Variants in ARHGEF11 observed in about 807,000 individuals in gnomAD.
The protein encoded by ARHGEF11 is Rho guanine nucleotide exchange factor 11.
In ARHGEF11, 55 loss-of-function variants were observed where a neutral mutation model predicts 193.7. The ratio of observed to expected loss-of-function variants is 0.28; its 90% CI spans 0.23 to 0.36. ARHGEF11 has a LOEUF of 0.36. ARHGEF11 is among the 10% of genes least tolerant of loss of function. The probability of loss-of-function intolerance (pLI) is 1.00; values close to 1 mark genes in which losing one functional copy is unlikely to be tolerated. For missense variants in ARHGEF11, 1,723 were observed against 2,005.6 expected (o/e 0.86, Z 2.69); for synonymous variants, 693 against 768.0 (o/e 0.90, Z 1.62).
intron 1 of ARHGEF11, among the ~76,000 whole-genome samples, chr1:157,043,979 C>T (rs1673077354): frequency 6.6e-6 from 1 of 152,188 alleles, no homozygotes; most frequent in African/African-American, 2.4e-5. Context: ...GGCTTGCCCC[C>T]ACCTGAGACT....
rs757766993 is a variant in ARHGEF11 at position 156,939,755 on chromosome 1, G to A, written c.3889C>T (p.Pro1297Ser). Residue 1297 changes from proline (P) to serine (S), a missense_variant, in exon 37 of 41, where the codon CCC becomes TCC. Transcript: ENST00000368194. ...PWDPGSPGQA[P>S]PGGEGDNTQL... ...GTGTTGTCCCCTTCACCCCCAGGGG[G>A]TGCTTGCCCTGGGGAGCCTGGGTCC... is the stretch of plus-strand genomic sequence containing the variant. 18 of 1,613,904 alleles carry A rather than the reference G, an allele frequency of 1.1e-5. No homozygotes were observed. The South Asian group carries it at 1.6e-4, about 15-fold the overall frequency.
At chr1:157,026,365 T>C (rs775808891) in intron 1 of ARHGEF11, among the ~76,000 whole-genome samples, 1 of 152,006 alleles carries the variant, frequency 6.6e-6, no homozygotes, top group Non-Finnish European at 1.5e-5. Context: ...CTAATGGGAG[T>C]GCATTTTTTC....
chr1:156,952,228 C>T (rs935332394), intron 21 of ARHGEF11, among the ~76,000 whole-genome samples: 3 of 152,166 alleles, frequency 2.0e-5, no homozygotes, highest in Middle Eastern at 3.4e-3. Context: ...TCTTTAGTAC[C>T]GTAAGAGGTG....
At chr1:156,936,497 A>AAAAT (rs370282821) in intron 40 of ARHGEF11, among the ~76,000 whole-genome samples, 23 of 33,934 alleles carry the variant, frequency 6.8e-4, no homozygotes, top group Middle Eastern at 0.015. Flanking sequence ...AAAAAAAAAA[A>AAAAT]ATATATATAT....
chr1:156,963,185 C>T lies in ARHGEF11; in HGVS notation c.1140+18G>A. 1 of 1,594,682 alleles carries T rather than the reference C, an allele frequency of 6.3e-7. No individual in the cohort carries two copies. The highest frequency in any genetic ancestry group is 8.6e-7 in the Non-Finnish European group (1 of 1,162,642). On this transcript the variant is annotated intron_variant, in intron 13 of 40. Coordinates refer to ENST00000368194, the MANE Select transcript of ARHGEF11 (RefSeq NM_198236.3). ...AGTACCAGCAGGCACTCAATCAAGA[C>T]AGATGATTCTGACTTACCAGTGGAC... is the stretch of plus-strand genomic sequence containing the variant.
intron 40 of ARHGEF11, 108 bp from the exon 41 acceptor site, chr1:156,936,166 C>A: frequency 8.6e-7 from 1 of 1,162,034 alleles, no homozygotes; most frequent in South Asian, 1.2e-5. Context: ...CATCACCTTC[C>A]TTCTCCTCCA....
chr1:156,980,887 AATT>A (rs544745185), intron 3 of ARHGEF11, among the ~76,000 whole-genome samples: 148 of 151,064 alleles, frequency 9.8e-4, no homozygotes, highest in African/African-American at 3.5e-3. Flanking sequence ...TTAAAATAAT[AATT>A]AAGAGAAATT....
At chr1:157,009,080 A>G (rs1024756752) in intron 1 of ARHGEF11, among the ~76,000 whole-genome samples, 12 of 152,218 alleles carry the variant, frequency 7.9e-5, no homozygotes, top group African/African-American at 2.7e-4. Context: ...TCACCTGTAG[A>G]TAATTAAGAA....
chr1:156,955,515 C>G (rs138436878), intron 20 of ARHGEF11, among the ~76,000 whole-genome samples, 188 bp downstream of exon 20: 1 of 152,094 alleles, frequency 6.6e-6, no homozygotes, highest in Admixed American at 6.5e-5. Context: ...TTCCCTGGCT[C>G]GGAAACATTC....
intron 1 of ARHGEF11, among the ~76,000 whole-genome samples, chr1:156,990,325 C>A (rs1665532554): frequency 6.6e-6 from 1 of 152,036 alleles, no homozygotes; most frequent in Non-Finnish European, 1.5e-5. Flanking sequence ...ATAGCTTGCC[C>A]CATTTTGGTG....
intron 2 of ARHGEF11, 67 bp downstream of exon 2, chr1:156,986,015 A>G (rs1259347046): frequency 1.5e-6 from 2 of 1,360,868 alleles, no homozygotes; most frequent in Non-Finnish European, 2.1e-6. Context: ...CCTCCCAAGT[A>G]GCTGGGAATA....
At chr1:156,947,586 A>G in intron 25 of ARHGEF11, 136 bp from the exon 26 acceptor site, 1 of 1,345,102 alleles carries the variant, frequency 7.4e-7, no homozygotes, top group Non-Finnish European at 9.9e-7. Flanking sequence ...TCATACAGCA[A>G]CTTTTCTCTT....
intron 1 of ARHGEF11, among the ~76,000 whole-genome samples, chr1:157,038,472 T>C (rs1571619850): frequency 1.3e-5 from 2 of 152,238 alleles, no homozygotes; most frequent in East Asian, 3.9e-4. Context: ...AGAAAGACAA[T>C]AAAATGGTTT....
chr1:156,947,723 T>C, intron 25 of ARHGEF11, 46 bp downstream of exon 25: 1 of 1,600,444 alleles, frequency 6.2e-7, no homozygotes, highest in Non-Finnish European at 8.5e-7. Context: ...CTGGACCTAT[T>C]CCCACACGTG....
intron 1 of ARHGEF11, among the ~76,000 whole-genome samples, chr1:157,013,259 T>TCTCACACACACACACA (rs1553228459): frequency 0.022 from 2,429 of 109,506 alleles, 80 homozygotes; most frequent in Non-Finnish European, 0.026. Flanking sequence ...CTCCCCACTA[T>TCTCACACACACACACA]CACTCACACA....
At chr1:156,995,766 A>T (rs1384212254) in intron 1 of ARHGEF11, among the ~76,000 whole-genome samples, 1 of 148,516 alleles carries the variant, frequency 6.7e-6, no homozygotes, top group Non-Finnish European at 1.5e-5. Context: ...CTGGTCTCAA[A>T]CTCCTGGGCA....
intron 33 of ARHGEF11, 33 bp downstream of exon 33, chr1:156,942,655 CCA>C (rs1232205547): frequency 6.3e-7 from 1 of 1,597,018 alleles, no homozygotes; most frequent in South Asian, 1.1e-5. Context: ...CCGAAAGGGA[CCA>C]CAGTTACGGG....
At chr1:157,013,417 C>T (rs908106505) in intron 1 of ARHGEF11, among the ~76,000 whole-genome samples, 1 of 152,022 alleles carries the variant, frequency 6.6e-6, no homozygotes, top group African/African-American at 2.4e-5. Flanking sequence ...CTGGCAAAAA[C>T]TCCTGCTTAT....
intron 11 of ARHGEF11, 133 bp from the exon 12 acceptor site, chr1:156,963,727 C>T: frequency 2.0e-6 from 3 of 1,474,996 alleles, no homozygotes; most frequent in South Asian, 1.4e-5. Context: ...TGGCATCTCA[C>T]TCCCGCCCCC....
Sources: gnomAD v4.1 joint callset for allele counts (sites outside exome capture counted in the v4.1 genomes callset) on GRCh38, gnomAD v4.1.1 for gene constraint, MANE v1.5 for transcripts, NCBI Gene and HGNC (gene_info 2026-07-23, HGNC 2026-07-21) for gene names.